SORBS3: variants seen among roughly 807,000 people sequenced by gnomAD.
SORBS3 encodes the protein sorbin and SH3 domain containing 3.
In SORBS3, 69 loss-of-function variants were observed where a neutral mutation model predicts 98.0. That is an observed-to-expected ratio of 0.70 (90% CI 0.58 to 0.86). SORBS3 has a LOEUF of 0.86. Among genes scored for constraint, SORBS3 ranks in the 40% least tolerant of loss-of-function variants. SORBS3 has a pLI of 0.00. For synonymous variants in SORBS3, 394 were observed against 355.4 expected (o/e 1.11, Z -1.22); for missense variants, 954 against 908.5 (o/e 1.05, Z -0.64).
upstream of SORBS3, chr8:22,550,027 G>A (rs1057441996): frequency 3.0e-6 from 3 of 985,272 alleles, no homozygotes; most frequent in Non-Finnish European, 3.6e-6. Context: ...TGAAAGCGAT[G>A]TGGTCCTTCT....
At chr8:22,561,017 C>T (rs904520870) in intron 5 of SORBS3, 9 of 325,306 alleles carry the variant, frequency 2.8e-5, no homozygotes, top group Middle Eastern at 7.8e-4. Flanking sequence ...AGTCGAGTTT[C>T]CCCAGCCTGA....
chr8:22,573,258 C>A, intron 20 of SORBS3: 1 of 449,286 alleles, frequency 2.2e-6, no homozygotes. Flanking sequence ...GGAGGCGGTG[C>A]TTGGAGATGC....
At chr8:22,555,915 G>A (rs904985753) in intron 3 of SORBS3, among the ~76,000 whole-genome samples, 7 of 152,156 alleles carry the variant, frequency 4.6e-5, no homozygotes, top group South Asian at 2.1e-4. Flanking sequence ...CACCCAGAGC[G>A]TGCTGGACAC....
chr8:22,559,568 C>T (rs1286814841), intron 5 of SORBS3, among the ~76,000 whole-genome samples: 2 of 151,882 alleles, frequency 1.3e-5, no homozygotes, highest in Admixed American at 6.6e-5. Flanking sequence ...CTGGATGTGG[C>T]GGCATGCACC....
At chr8:22,551,648 G>T, upstream of SORBS3, 2 of 841,120 alleles carry the variant, frequency 2.4e-6, no homozygotes, top group Non-Finnish European at 2.9e-6. This position sits in a 1 kb window ranked among gnomAD's most constrained non-coding sequence, Gnocchi z 5.8. Flanking sequence ...TCCCGGCGCC[G>T]CCTCCCCGCC....
chr8:22,566,151 G>T (rs1840412564), intron 12 of SORBS3, 194 bp from the exon 13 acceptor site: 2 of 746,880 alleles, frequency 2.7e-6, no homozygotes, highest in Admixed American at 7.9e-5. Flanking sequence ...ACTCCCGCTG[G>T]GCCCTGCCGG....
chr8:22,556,821 G>A lies in SORBS3; in HGVS notation c.327G>A (p.Lys109=), dbSNP rs755462262. The change falls in exon 4 of 21, where the codon AAG becomes AAA. Residue 109 remains lysine, a synonymous_variant. Transcript: ENST00000240123. ...HTQNWSATWT[K]DSKRRDKRWV... is the part of the protein sequence containing the mutation. The stretch of plus-strand genomic sequence containing the variant: ...AGAACTGGTCAGCCACGTGGACCAA[G>A]GACAGCAAGCGTCGGGACAAGCGCT... The A allele has an allele frequency of 6.2e-7, 1 of 1,613,746 alleles. No homozygotes were observed. Among genetic ancestry groups the A allele is most frequent in the Non-Finnish European group, 8.5e-7 (1 of 1,180,038 alleles).
At chr8:22,555,860 CA>C (rs1336428791) in intron 3 of SORBS3, among the ~76,000 whole-genome samples, 1 of 152,074 alleles carries the variant, frequency 6.6e-6, no homozygotes, top group Non-Finnish European at 1.5e-5. Flanking sequence ...AAAACAAAAA[CA>C]AAAACAAAAC....
chr8:22,555,160 C>T (rs1031656348), intron 3 of SORBS3, among the ~76,000 whole-genome samples, 180 bp downstream of exon 3: 1 of 152,234 alleles, frequency 6.6e-6, no homozygotes, highest in African/African-American at 2.4e-5. Flanking sequence ...GCTGACTCTG[C>T]AAGAGACACC....
chr8:22,561,538 T>G (rs750331446), intron 6 of SORBS3, 165 bp downstream of exon 6: 5 of 720,178 alleles, frequency 6.9e-6, no homozygotes, highest in Non-Finnish European at 1.2e-5. Flanking sequence ...AATCCCCCGG[T>G]AGGTGGTAAT....
chr8:22,565,784 T>G, intron 11 of SORBS3, 42 bp from the exon 12 acceptor site: 1 of 1,317,480 alleles, frequency 7.6e-7, no homozygotes, highest in Non-Finnish European at 9.7e-7. Flanking sequence ...TGCCGCTGGG[T>G]CCCGGGGTCG....
At chr8:22,549,802 G>C, upstream of SORBS3, 1 of 170,450 alleles carries the variant, frequency 5.9e-6, no homozygotes, top group Non-Finnish European at 1.2e-5. Context: ...CCAGTCCCCA[G>C]CTCCTTACCC....
chr8:22,564,134 C>T, intron 8 of SORBS3, 57 bp downstream of exon 8: 2 of 1,547,892 alleles, frequency 1.3e-6, no homozygotes, highest in Middle Eastern at 1.7e-4. Flanking sequence ...ATGGCCAAGA[C>T]CCTATGCCAC....
chr8:22,573,127 A>C (rs1016327465), intron 20 of SORBS3, among the ~76,000 whole-genome samples: 1 of 143,104 alleles, frequency 7.0e-6, no homozygotes, highest in Admixed American at 7.3e-5. Context: ...CAGCCCCTTG[A>C]CCTGGCAGCC....
At chr8:22,569,049 G>C in intron 16 of SORBS3, 99 bp from the exon 17 acceptor site, 1 of 1,302,448 alleles carries the variant, frequency 7.7e-7, no homozygotes, top group South Asian at 1.7e-5. Context: ...TCTCTGCCTA[G>C]GGGCGGGCCC....
chr8:22,570,881 C>A, intron 17 of SORBS3, 29 bp from the exon 18 acceptor site: 2 of 1,563,072 alleles, frequency 1.3e-6, no homozygotes, highest in Admixed American at 3.5e-5. Flanking sequence ...CCAGGAAGGC[C>A]CCACAGACAC....
In SORBS3 at chr8:22,566,247, G is replaced by A. The variant is rs1840415833; in HGVS notation, c.951-98G>A. The stretch of plus-strand genomic sequence containing the variant: ...CCGGGAGACGCCCTGGGAGGAGGTG[G>A]CAGGGATGGGGGCGATGGGGGGTCA... On this transcript the variant is annotated intron_variant, in intron 12 of 20. Transcript: ENST00000240123. The A allele has an allele frequency of 2.8e-6, 4 of 1,435,248 alleles. No individual in the cohort carries two copies. The Admixed American group carries it at 6.9e-5, about 25-fold the overall frequency. The allele number at this position is 1,435,248 out of a possible 1,614,324, so 88.9% of individuals were successfully genotyped here. A position where few individuals can be genotyped will look rare whatever the true frequency, so the allele number is the denominator to read the frequency against.
Position 22,574,732 on chromosome 8 carries a change from G to C in SORBS3, c.*4G>C. 8.1e-6 allele frequency: 13 copies of C among 1,611,114 alleles called. No homozygotes were observed. Among genetic ancestry groups the C allele is most frequent in the Non-Finnish European group, 1.0e-5 (12 of 1,177,820 alleles). On this transcript the variant is annotated 3_prime_UTR_variant, in exon 21 of 21. Coordinates refer to ENST00000240123, the MANE Select transcript of SORBS3 (RefSeq NM_005775.5). ...AAATTACGTTGCCCCGGTGTGAGTG[G>C]TCTCCATGGCAACTTGGAGCCAGCC...
intron 18 of SORBS3, among the ~76,000 whole-genome samples, 170 bp downstream of exon 18, chr8:22,571,391 A>G (rs956925778): frequency 6.6e-6 from 1 of 151,920 alleles, no homozygotes; most frequent in Non-Finnish European, 1.5e-5. Context: ...GGGGACCTCA[A>G]CCTACCGAGC....
Sources: allele counts gnomAD v4.1 joint callset (sites outside exome capture counted in the v4.1 genomes callset), GRCh38; gene constraint gnomAD v4.1.1; non-coding constraint Gnocchi (gnomAD v3.1); transcripts MANE v1.5; gene names NCBI Gene and HGNC (gene_info 2026-07-23, HGNC 2026-07-21).